GNPAT: variants seen among roughly 807,000 people sequenced by gnomAD.
GNPAT encodes the protein dihydroxyacetone phosphate acyltransferase.
In GNPAT, 30 loss-of-function variants were observed where a neutral mutation model predicts 78.4. The ratio of observed to expected loss-of-function variants is 0.38; its 90% confidence interval spans 0.29 to 0.52. The LOEUF (loss-of-function observed/expected upper bound fraction) is 0.52. GNPAT is among the 20% of genes least tolerant of loss of function. GNPAT has a pLI of 0.84. For missense variants in GNPAT, 714 were observed against 812.2 expected, an observed-to-expected ratio of 0.88 and a Z score of 1.47; for synonymous variants, 271 against 281.1, an observed-to-expected ratio of 0.96 and a Z score of 0.36.
At position 231,272,397 on chromosome 1, in the gene GNPAT, G is replaced by A; in HGVS notation, c.1602+6G>A. 1 of 1,470,816 alleles carries A rather than the reference G, an allele frequency of 6.8e-7. No individual in the cohort carries two copies. Among genetic ancestry groups the A allele is most frequent in the South Asian group, 1.1e-5 (1 of 87,954 alleles). The allele number at this position is 1,470,816 out of a possible 1,614,324, so 91.1% of individuals were successfully genotyped here. Reference sequence around the variant, plus strand: ...TTCCAGGAAACACACTAAAGGTAAAGTGCTTACAACAAAGAGCAAGTATGT... The same window carrying A: ...TTCCAGGAAACACACTAAAGGTAAAATGCTTACAACAAAGAGCAAGTATGT... On this transcript the variant is annotated splice_donor_region_variant and intron_variant, in intron 11 of 15. Coordinates refer to ENST00000366647, the MANE Select transcript of GNPAT (RefSeq NM_014236.4).
chr1:231,270,563 GAA>G (rs1405478142), intron 9 of GNPAT, among the ~76,000 whole-genome samples, 193 bp from the exon 10 acceptor site: 2 of 152,092 alleles, frequency 1.3e-5, no homozygotes, highest in Non-Finnish European at 2.9e-5. Context: ...TAGAGAGAGA[GAA>G]AGAATTGATT....
intron 15 of GNPAT, among the ~76,000 whole-genome samples, chr1:231,277,112 T>G (rs1685739491): frequency 6.6e-6 from 1 of 152,184 alleles, no homozygotes; most frequent in Non-Finnish European, 1.5e-5. Flanking sequence ...TAGGTCGAAA[T>G]CCCAGTCTTC....
rs201434779 is a variant in GNPAT, at chr1:231,266,163, A to G, written c.922A>G (p.Thr308Ala). The G allele has an allele frequency of 6.2e-6, 10 of 1,613,302 alleles. No individual in the cohort carries two copies. The highest frequency in any genetic ancestry group is 8.5e-6 in the Non-Finnish European group (10 of 1,179,542). ...GGTTCCTAAACCAAAAGAGTCTACA[A>G]CTGTACGTGAGCTTGATTTTAGCTT... ...LGVPKPKEST[T>A]GLLKARKILS... The change falls in exon 7 of 16, where the codon ACT becomes GCT. Residue 308 changes from threonine to alanine, a missense_variant and splice_region_variant. Transcript: ENST00000366647.
intron 14 of GNPAT, among the ~76,000 whole-genome samples, chr1:231,275,888 AGTG>A: frequency 6.6e-6 from 1 of 152,276 alleles, no homozygotes; most frequent in South Asian, 2.1e-4. Flanking sequence ...TGTTCTTCTA[AGTG>A]GTTGAATTTA....
At chr1:231,272,518 C>G in intron 11 of GNPAT, 127 bp downstream of exon 11, 1 of 680,126 alleles carries the variant, frequency 1.5e-6, no homozygotes, top group Non-Finnish European at 2.8e-6. Flanking sequence ...GGGCAGACTT[C>G]AAGAGAAACT....
chr1:231,271,122 C>A, intron 10 of GNPAT, 122 bp downstream of exon 10: 1 of 1,186,560 alleles, frequency 8.4e-7, no homozygotes, highest in Non-Finnish European at 1.3e-6. Context: ...AGGCCTATCA[C>A]TGAGAAAAAG....
chr1:231,275,393 C>G lies in GNPAT; in HGVS notation c.1844-12C>G. On this transcript the variant is annotated splice_polypyrimidine_tract_variant and intron_variant, in intron 13 of 15. Coordinates refer to ENST00000366647, the MANE Select transcript of GNPAT (RefSeq NM_014236.4). ...AACTGGTCAACTAACTCTTCCTCAC[C>G]CCCAATTTTAGGTACCTCTCAATGT... The G allele has an allele frequency of 6.3e-7, 1 of 1,588,458 alleles. No individual in the cohort carries two copies. Among genetic ancestry groups the G allele is most frequent in the Non-Finnish European group, 8.6e-7 (1 of 1,156,630 alleles).
Position 231,241,252 on chromosome 1 carries a change from C to T in GNPAT, c.-127C>T, listed in dbSNP as rs1257133000. 18 of 1,447,492 alleles carry T rather than the reference C, an allele frequency of 1.2e-5. No individual in the cohort carries two copies. In the East Asian group the frequency reaches 2.3e-4, roughly 18 times the overall value. The allele number at this position is 1,447,492 out of a possible 1,614,324, so 89.7% of individuals were successfully genotyped here. ...TGGCGGCGCCCGGGATCCTGTGTAG[C>T]GGCTGCAGAGGGTGCCGCCGCCCTA... is the stretch of plus-strand genomic sequence containing the variant. On this transcript the variant is annotated 5_prime_UTR_variant, in exon 1 of 16. Coordinates refer to ENST00000366647, the MANE Select transcript of GNPAT (RefSeq NM_014236.4).
intron 3 of GNPAT, 74 bp from the exon 4 acceptor site, chr1:231,262,649 C>T (rs1177351671): frequency 8.5e-7 from 1 of 1,181,706 alleles, no homozygotes; most frequent in South Asian, 1.2e-5. Flanking sequence ...ACTTATTCTT[C>T]CGTTTTCTGA....
At chr1:231,265,180 CCT>C in intron 4 of GNPAT, 111 bp from the exon 5 acceptor site, 1 of 849,216 alleles carries the variant, frequency 1.2e-6, no homozygotes. Context: ...ATAGCGAGAC[CCT>C]GTCTCATAAA....
intron 4 of GNPAT, among the ~76,000 whole-genome samples, chr1:231,263,273 A>G (rs139274787): frequency 6.6e-6 from 1 of 152,278 alleles, no homozygotes; most frequent in Admixed American, 6.5e-5. Context: ...CATTAAGTAC[A>G]TTTACATTGT....
In GNPAT at chr1:231,270,825, C is replaced by T; in HGVS notation, c.1347C>T (p.Val449=). ...TGCATTCCAACATTGCCAGCCTTGT[C>T]AAAGACCAGGTGATTCTGAAAGTGG... is the stretch of plus-strand genomic sequence containing the variant. ...ILLHSNIASL[V]KDQVILKVDS... Residue 449 remains valine (V), a synonymous_variant, in exon 10 of 16, where the codon GTC becomes GTT. Coordinates refer to ENST00000366647, the MANE Select transcript of GNPAT (RefSeq NM_014236.4). 1 of 1,614,108 alleles carries T rather than the reference C, an allele frequency of 6.2e-7. No homozygotes were observed. The highest frequency in any genetic ancestry group is 8.5e-7 in the Non-Finnish European group (1 of 1,179,962).
chr1:231,275,150 A>G (rs1685674531), intron 12 of GNPAT, 71 bp from the exon 13 acceptor site: 1 of 867,524 alleles, frequency 1.2e-6, no homozygotes, highest in Non-Finnish European at 2.0e-6. Context: ...ATGTAAAGTT[A>G]TTTACTATTC....
intron 14 of GNPAT, among the ~76,000 whole-genome samples, 170 bp downstream of exon 14, chr1:231,275,668 A>G (rs1382700253): frequency 6.6e-6 from 1 of 152,200 alleles, no homozygotes; most frequent in Non-Finnish European, 1.5e-5. Context: ...TGAAAATTGT[A>G]TGTGGTTATG....
At chr1:231,263,719 C>G (rs1387667630) in intron 4 of GNPAT, among the ~76,000 whole-genome samples, 1 of 152,090 alleles carries the variant, frequency 6.6e-6, no homozygotes, top group East Asian at 1.9e-4. Flanking sequence ...CAAAAGTGCA[C>G]AAGAGTTCCA....
In GNPAT at chr1:231,274,074, T is replaced by G; in HGVS notation, c.1743+12T>G. 2 of 1,611,400 alleles carry G rather than the reference T, an allele frequency of 1.2e-6. No individual in the cohort carries two copies. Among genetic ancestry groups the G allele is most frequent in the Non-Finnish European group, 1.7e-6 (2 of 1,177,822 alleles). ...TGGAAAGCTATCAGGTATGTAAATT[T>G]GGCAAGTTCTCCTTCATGCCCCCCA... On this transcript the variant is annotated intron_variant, in intron 12 of 15. Transcript: ENST00000366647.
chr1:231,257,669 T>C (rs1422405502), intron 2 of GNPAT, among the ~76,000 whole-genome samples: 1 of 152,224 alleles, frequency 6.6e-6, no homozygotes, highest in Non-Finnish European at 1.5e-5. Context: ...TGGTCCATTT[T>C]ATCCATCATT....
intron 2 of GNPAT, among the ~76,000 whole-genome samples, chr1:231,253,104 G>A (rs1388186906): frequency 6.6e-6 from 1 of 152,166 alleles, no homozygotes; most frequent in Non-Finnish European, 1.5e-5. Flanking sequence ...GAGTAGCTAG[G>A]ACTACAGGCA....
Position 231,258,128 on chromosome 1 carries a change from C to T in GNPAT, c.262-2379C>T, listed in dbSNP as rs111702724. Reference sequence around the variant, plus strand: ...TATTTTCCCTTGGTTCTGCCCTCTGCCCTCTGCCCTTTCTTCCTGTCCAGC... The same window carrying T: ...TATTTTCCCTTGGTTCTGCCCTCTGTCCTCTGCCCTTTCTTCCTGTCCAGC... On this transcript the variant is annotated intron_variant, in intron 2 of 15. Transcript: ENST00000366647. The T allele has an allele frequency of 9.8e-3, 1,496 of 152,742 alleles. 24 individuals are homozygous for T. Among genetic ancestry groups the T allele is most frequent in the Non-Finnish European group, 0.014 (935 of 68,324 alleles). 9.5% of individuals were successfully genotyped at this position (152,742 alleles called of 1,614,324 possible).
Sources: allele counts gnomAD v4.1 joint callset (sites outside exome capture counted in the v4.1 genomes callset), GRCh38; gene constraint gnomAD v4.1.1; transcripts MANE v1.5; gene names NCBI Gene and HGNC (gene_info 2026-07-23, HGNC 2026-07-21).